The following NCKAP5 variants were observed in gnomAD, a reference collection of about 807,000 sequenced individuals.
The protein encoded by NCKAP5 is NCK associated protein 5.
NCKAP5 carries 92 observed loss-of-function variants against 167.0 expected under a neutral mutation model. The ratio of observed to expected loss-of-function variants is 0.55; its 90% CI spans 0.47 to 0.66. NCKAP5 has a LOEUF of 0.66. Ranked by LOEUF, NCKAP5 falls within the 30% of genes least tolerant of loss-of-function variation. The pLI, the probability that NCKAP5 is intolerant of heterozygous loss-of-function variation, is 0.00. For missense variants in NCKAP5, 2,378 were observed against 2,315.0 expected (o/e 1.03, Z -0.56); for synonymous variants, 891 against 877.4 (o/e 1.02, Z -0.27).
intron 3 of NCKAP5, among the ~76,000 whole-genome samples, chr2:133,406,095 G>A (rs559896264): frequency 6.6e-6 from 1 of 152,280 alleles, no homozygotes; most frequent in Admixed American, 6.5e-5. Flanking sequence ...ATTTTATTTA[G>A]TCACACAGCC....
At chr2:132,796,801 G>C in intron 11 of NCKAP5, 72 bp from the exon 12 acceptor site, 1 of 1,057,378 alleles carries the variant, frequency 9.5e-7, no homozygotes, top group Non-Finnish European at 1.4e-6. Context: ...GCCTTGGACA[G>C]TTAAATCTCA....
At chr2:133,022,265 C>T (rs2078553752) in intron 6 of NCKAP5, among the ~76,000 whole-genome samples, 1 of 152,156 alleles carries the variant, frequency 6.6e-6, no homozygotes, top group East Asian at 1.9e-4. Context: ...CTCTGAAAAC[C>T]TCTCCTTTTG....
rs1574090694 is a variant in NCKAP5, at chr2:132,755,155, C to T, written c.5128+18661G>A. ...CTCCTTCTTACTGGCTGGAACCTAA[C>T]TATTGGGCAAAGCCCCAGGCCATGA... On this transcript the variant is annotated intron_variant, in intron 16 of 19. Transcript: ENST00000409261. Among the ~76,000 whole-genome samples, 3 of 152,336 alleles carry T rather than the reference C, an allele frequency of 2.0e-5. No homozygotes were observed. In the East Asian group the frequency reaches 5.8e-4, roughly 29 times the overall value.
chr2:133,054,262 T>C (rs1166979583), intron 6 of NCKAP5, among the ~76,000 whole-genome samples: 1 of 152,148 alleles, frequency 6.6e-6, no homozygotes, highest in Non-Finnish European at 1.5e-5. Context: ...GTATTAGCAA[T>C]ATGATGGTAT....
At chr2:133,418,481 G>A (rs974164553) in intron 3 of NCKAP5, among the ~76,000 whole-genome samples, 2 of 152,188 alleles carry the variant, frequency 1.3e-5, no homozygotes, top group African/African-American at 4.8e-5. Flanking sequence ...AAAGTGCTTG[G>A]CTCTCTTAGC....
At chr2:133,476,431 G>C (rs1247526511) in intron 3 of NCKAP5, among the ~76,000 whole-genome samples, 1 of 152,158 alleles carries the variant, frequency 6.6e-6, no homozygotes, top group Non-Finnish European at 1.5e-5. Context: ...GGCTGCCCTC[G>C]CATTGGAGAG....
rs145129133 is a variant in NCKAP5, at chr2:133,513,792, G to T, written c.69+3666C>A. Among the ~76,000 whole-genome samples, 340 of 152,256 alleles carry T rather than the reference G, an allele frequency of 2.2e-3. 5 individuals are homozygous for T. The highest frequency in any genetic ancestry group is 7.5e-3 in the African/African-American group (312 of 41,556). On this transcript the variant is annotated intron_variant, in intron 3 of 19. Coordinates refer to ENST00000409261, the MANE Select transcript of NCKAP5 (RefSeq NM_207363.3). ...GGAGAAGAAAAGAGGGTACCAGGAA[G>T]AAATTCATACTGTTACTCTCATCTG...
intron 11 of NCKAP5, among the ~76,000 whole-genome samples, chr2:132,850,271 G>C (rs1688975218): frequency 6.6e-6 from 1 of 152,152 alleles, no homozygotes; most frequent in Non-Finnish European, 1.5e-5. Context: ...CCAAGGTGTA[G>C]CACATTGTCA....
At chr2:132,838,749 G>A (rs551137930) in intron 11 of NCKAP5, among the ~76,000 whole-genome samples, 1 of 152,326 alleles carries the variant, frequency 6.6e-6, no homozygotes, top group South Asian at 2.1e-4. Flanking sequence ...CAAAGTCCCG[G>A]AAGTGGGGTT....
chr2:133,492,640 A>G lies in NCKAP5; in HGVS notation c.69+24818T>C, dbSNP rs1681574864. Among the ~76,000 whole-genome samples the G allele has an allele frequency of 2.6e-5, 4 of 152,212 alleles. No homozygotes were observed. In the South Asian group the frequency reaches 8.3e-4, roughly 32 times the overall value. Reference sequence around the variant, plus strand: ...GCCTCAGTTTCCTCATCTATAAAATAGGCATGATTATGCCAATCTCACAGG... The same window carrying G: ...GCCTCAGTTTCCTCATCTATAAAATGGGCATGATTATGCCAATCTCACAGG... On this transcript the variant is annotated intron_variant, in intron 3 of 19. Coordinates refer to ENST00000409261, the MANE Select transcript of NCKAP5 (RefSeq NM_207363.3).
intron 5 of NCKAP5, among the ~76,000 whole-genome samples, chr2:133,194,110 CG>C (rs1237718514): frequency 6.6e-6 from 1 of 151,838 alleles, no homozygotes; most frequent in Non-Finnish European, 1.5e-5. Context: ...AGTATGCACT[CG>C]GGTAAGAAAG....
the NCKAP5 span, among the ~76,000 whole-genome samples, chr2:133,648,011 G>A: frequency 6.6e-6 from 1 of 152,032 alleles, no homozygotes; most frequent in Non-Finnish European, 1.5e-5. Flanking sequence ...TAAATTTAAG[G>A]TCACACATAG....
At chr2:133,389,901 A>T (rs1687273923) in intron 3 of NCKAP5, among the ~76,000 whole-genome samples, 1 of 152,174 alleles carries the variant, frequency 6.6e-6, no homozygotes, top group African/African-American at 2.4e-5. Flanking sequence ...ACTGAAATGA[A>T]CCTTCAGAAT....
At chr2:132,900,822 T>C (rs865983540) in intron 8 of NCKAP5, among the ~76,000 whole-genome samples, 11 of 151,938 alleles carry the variant, frequency 7.2e-5, no homozygotes, top group African/African-American at 2.2e-4. Flanking sequence ...TAGCCAGGCA[T>C]GGTGGCAGGC....
intron 3 of NCKAP5, among the ~76,000 whole-genome samples, chr2:133,390,236 G>A (rs925741729): frequency 6.6e-5 from 10 of 152,130 alleles, no homozygotes; most frequent in Admixed American, 3.9e-4. Context: ...TACCCTTCAG[G>A]CCCTAAGACA....
chr2:132,752,547 T>C (rs552500016), intron 16 of NCKAP5, among the ~76,000 whole-genome samples: 5 of 152,276 alleles, frequency 3.3e-5, no homozygotes, highest in Admixed American at 6.5e-5. Context: ...CTGCCCAGTT[T>C]GTAGAATAAG....
intron 8 of NCKAP5, among the ~76,000 whole-genome samples, chr2:132,919,811 G>T (rs1019256573): frequency 1.3e-5 from 2 of 152,144 alleles, no homozygotes; most frequent in East Asian, 3.9e-4. Flanking sequence ...GGGCTTATAT[G>T]AAATATAGAA....
intron 2 of NCKAP5, among the ~76,000 whole-genome samples, chr2:133,548,729 C>T (rs917949364): frequency 1.2e-4 from 18 of 151,914 alleles, no homozygotes; most frequent in African/African-American, 3.9e-4. Flanking sequence ...CTGAAGGAAG[C>T]GCTAAACATG....
intron 11 of NCKAP5, among the ~76,000 whole-genome samples, chr2:132,841,184 T>G (rs962654976): frequency 3.9e-5 from 6 of 152,122 alleles, no homozygotes; most frequent in African/African-American, 1.4e-4. Flanking sequence ...TTCTCAGACA[T>G]GTATTCTTCC....
Sources: allele counts gnomAD v4.1 joint callset (sites outside exome capture counted in the v4.1 genomes callset), GRCh38; gene constraint gnomAD v4.1.1; transcripts MANE v1.5; gene names NCBI Gene and HGNC (gene_info 2026-07-23, HGNC 2026-07-21).